The following ANKDD1B variants were observed in gnomAD, a reference collection of about 807,000 sequenced individuals.
ANKDD1B encodes ankyrin repeat and death domain containing 1B.
In ANKDD1B, 57 loss-of-function variants were observed where a neutral mutation model predicts 59.7. The ratio of observed to expected loss-of-function variants is 0.95; its 90% CI spans 0.77 to 1.19. ANKDD1B has a LOEUF of 1.19. Among genes scored for constraint, ANKDD1B ranks in the 50% most tolerant of loss-of-function variants. The pLI, the probability that ANKDD1B is intolerant of heterozygous loss-of-function variation, is 0.00. For synonymous variants in ANKDD1B, 216 were observed against 239.5 expected, an observed-to-expected ratio of 0.90 and a Z score of 0.91; for missense variants, 602 against 641.9, an observed-to-expected ratio of 0.94 and a Z score of 0.67.
intron 12 of ANKDD1B, among the ~76,000 whole-genome samples, chr5:75,667,319 AAC>A (rs1468153763): frequency 1.3e-5 from 2 of 152,242 alleles, no homozygotes; most frequent in East Asian, 3.8e-4. Context: ...GCAAGGATTT[AAC>A]AGTTGGTGTG....
chr5:75,615,301 G>A (rs1282041191), intron 1 of ANKDD1B, among the ~76,000 whole-genome samples: 2 of 152,160 alleles, frequency 1.3e-5, no homozygotes, highest in Non-Finnish European at 2.9e-5. Flanking sequence ...TCTGAAATTT[G>A]ATGGCTAAGG....
At chr5:75,669,520 G>A (rs921785035) in intron 13 of ANKDD1B, 137 bp downstream of exon 13, 7 of 752,310 alleles carry the variant, frequency 9.3e-6, no homozygotes, top group Non-Finnish European at 1.1e-5. Flanking sequence ...AACTATGGAA[G>A]GGGCTTGTAA....
chr5:75,612,016 A>C (rs1172898376), intron 1 of ANKDD1B, among the ~76,000 whole-genome samples, 189 bp downstream of exon 1: 1 of 152,034 alleles, frequency 6.6e-6, no homozygotes, highest in African/African-American at 2.4e-5. Context: ...CAGCTTTGGA[A>C]TCCACCCCCA....
chr5:75,656,356 C>A (rs1774975005), intron 9 of ANKDD1B, among the ~76,000 whole-genome samples: 1 of 152,134 alleles, frequency 6.6e-6, no homozygotes, highest in African/African-American at 2.4e-5. Context: ...GTGATTAAAT[C>A]CTTCATGTTT....
chr5:75,613,513 C>G (rs1213304998), intron 1 of ANKDD1B, among the ~76,000 whole-genome samples: 2 of 152,294 alleles, frequency 1.3e-5, no homozygotes, highest in African/African-American at 4.8e-5. Flanking sequence ...TTGGTAGACT[C>G]ACCTAGGTGG....
intron 11 of ANKDD1B, among the ~76,000 whole-genome samples, chr5:75,664,534 G>C (rs1775258039): frequency 6.6e-6 from 1 of 151,868 alleles, no homozygotes; most frequent in Non-Finnish European, 1.5e-5. Flanking sequence ...CCTATCCTCA[G>C]GCTCAATTTC....
At chr5:75,638,453 T>A (rs1774374267) in intron 7 of ANKDD1B, among the ~76,000 whole-genome samples, 1 of 152,228 alleles carries the variant, frequency 6.6e-6, no homozygotes, top group Admixed American at 6.5e-5. Flanking sequence ...CCCATGTGAA[T>A]GCTCTAGAGC....
chr5:75,653,003 T>C, intron 7 of ANKDD1B, 139 bp from the exon 8 acceptor site: 2 of 664,018 alleles, frequency 3.0e-6, no homozygotes, highest in African/African-American at 1.8e-5. Context: ...AGTCTGTCAT[T>C]GACCAAATCA....
intron 8 of ANKDD1B, among the ~76,000 whole-genome samples, chr5:75,654,989 C>G (rs932077909): frequency 6.6e-6 from 1 of 152,190 alleles, no homozygotes; most frequent in Admixed American, 6.5e-5. Flanking sequence ...CTCCCTCTCT[C>G]TCATGCCTTA....
chr5:75,657,387 T>C (rs1397382210), intron 9 of ANKDD1B, among the ~76,000 whole-genome samples: 1 of 152,072 alleles, frequency 6.6e-6, no homozygotes, highest in Non-Finnish European at 1.5e-5. Flanking sequence ...AAACTTAATG[T>C]GTTTGAAGTC....
chr5:75,614,961 G>C (rs959838387), intron 1 of ANKDD1B, among the ~76,000 whole-genome samples: 9 of 152,128 alleles, frequency 5.9e-5, no homozygotes, highest in African/African-American at 1.9e-4. Context: ...TTTCATAGGT[G>C]GACCATGTGC....
chr5:75,631,639 TG>T (rs891695133), intron 5 of ANKDD1B, among the ~76,000 whole-genome samples: 2 of 152,194 alleles, frequency 1.3e-5, no homozygotes, highest in African/African-American at 4.8e-5. Flanking sequence ...AGCGCTCATC[TG>T]GGGGTCCAAA....
chr5:75,651,260 A>G (rs1285811505), intron 7 of ANKDD1B, among the ~76,000 whole-genome samples: 4 of 152,226 alleles, frequency 2.6e-5, no homozygotes, highest in Non-Finnish European at 4.4e-5. Context: ...TGATGCAGCC[A>G]TTTTGGGAAA....
At chr5:75,617,696 T>C (rs1488177657) in intron 2 of ANKDD1B, among the ~76,000 whole-genome samples, 2 of 152,226 alleles carry the variant, frequency 1.3e-5, no homozygotes, top group Non-Finnish European at 2.9e-5. Flanking sequence ...GAGAGGGCTC[T>C]AGTAATATGT....
rs1462379985 is a variant in ANKDD1B at position 75,653,125 on chromosome 5, T to C, written c.799-17T>C. On this transcript the variant is annotated splice_polypyrimidine_tract_variant and intron_variant, in intron 7 of 13. Transcript: ENST00000601380. The stretch of plus-strand genomic sequence containing the variant: ...ATAATGAGAGTTCCTCCTTGCCCTC[T>C]CTATTGTCTCTTGCAGCTCAATATC... 2.0e-6 allele frequency: 3 copies of C among 1,514,962 alleles called. No homozygotes were observed. The African/African-American group carries it at 4.1e-5, about 21-fold the overall frequency. 93.8% of individuals were successfully genotyped at this position (1,514,962 alleles called of 1,614,324 possible).
chr5:75,666,853 A>G lies in ANKDD1B; in HGVS notation c.1253A>G (p.His418Arg), dbSNP rs1397735689. Residue 418 changes from histidine (H) to arginine (R), a missense_variant, in exon 12 of 14, where the codon CAC becomes CGC. Physicochemically the swap from His to Arg is conservative, Grantham distance 29 (BLOSUM62 0). Coordinates refer to ENST00000601380, the MANE Select transcript of ANKDD1B (RefSeq NM_001276713.2). ...TGFTLTFKQD[H>R]SLETRHIRTL... ...TTTACTCTGACATTCAAGCAAGATC[A>G]CAGTCTGGAGACCAGACACATTCGC... 2 of 1,535,874 alleles carry G rather than the reference A, an allele frequency of 1.3e-6. No homozygotes were observed. Among genetic ancestry groups the G allele is most frequent in the Non-Finnish European group, 1.7e-6 (2 of 1,146,806 alleles).
intron 3 of ANKDD1B, among the ~76,000 whole-genome samples, chr5:75,621,712 G>T (rs1179423322): frequency 6.6e-6 from 1 of 152,130 alleles, no homozygotes; most frequent in Non-Finnish European, 1.5e-5. Flanking sequence ...TCTGAGGATT[G>T]CCATGTTTCT....
intron 5 of ANKDD1B, among the ~76,000 whole-genome samples, chr5:75,628,016 A>T (rs1272280929): frequency 6.6e-6 from 1 of 152,274 alleles, no homozygotes. Flanking sequence ...GTTCAGAGAC[A>T]TACAAGGAAT....
chr5:75,626,851 A>G (rs544108947), intron 5 of ANKDD1B, among the ~76,000 whole-genome samples: 1 of 149,532 alleles, frequency 6.7e-6, no homozygotes, highest in Non-Finnish European at 1.5e-5. Flanking sequence ...TGGCATTTTG[A>G]TTTCTCAGCA....
Sources: allele counts gnomAD v4.1 joint callset (sites outside exome capture counted in the v4.1 genomes callset), GRCh38; gene constraint gnomAD v4.1.1; transcripts MANE v1.5; gene names NCBI Gene and HGNC (gene_info 2026-07-23, HGNC 2026-07-21).